Variants in CSGALNACT1 observed in about 807,000 individuals in gnomAD.
CSGALNACT1 encodes chondroitin sulfate N-acetylgalactosaminyltransferase 1.
A neutral mutation model predicts 51.0 loss-of-function variants in CSGALNACT1; 52 were observed. That is an observed-to-expected ratio of 1.02 (90% CI 0.82 to 1.29). The LOEUF (loss-of-function observed/expected upper bound fraction) is 1.29, where lower values mean the gene tolerates loss of function less well. Ranked by LOEUF, CSGALNACT1 falls within the 50% of genes most tolerant of loss-of-function variation. The probability of loss-of-function intolerance (pLI) is 0.00; values close to 1 mark genes in which losing one functional copy is unlikely to be tolerated. For synonymous variants in CSGALNACT1, 341 were observed against 254.4 expected, an observed-to-expected ratio of 1.34 and a Z score of -3.24; for missense variants, 935 against 679.2, an observed-to-expected ratio of 1.38 and a Z score of -4.19.
chr8:19,528,056 AAGG>A (rs2082043311), intron 3 of CSGALNACT1, among the ~76,000 whole-genome samples: 1 of 152,088 alleles, frequency 6.6e-6, no homozygotes, highest in African/African-American at 2.4e-5. Flanking sequence ...GCAGCTGGAG[AAGG>A]AACTTCTGGA....
intron 3 of CSGALNACT1, among the ~76,000 whole-genome samples, chr8:19,571,076 A>G (rs960973894): frequency 6.6e-6 from 1 of 152,018 alleles, no homozygotes; most frequent in African/African-American, 2.4e-5. Flanking sequence ...GGCTCAGGTG[A>G]TCTCCCACCT....
chr8:19,441,812 C>A (rs1447842040), intron 5 of CSGALNACT1, among the ~76,000 whole-genome samples: 3 of 151,982 alleles, frequency 2.0e-5, no homozygotes, highest in Non-Finnish European at 4.4e-5. Context: ...ATTTTTGCAA[C>A]CTACTCATCT....
intron 3 of CSGALNACT1, among the ~76,000 whole-genome samples, chr8:19,568,119 C>T (rs1166601957): frequency 6.6e-6 from 1 of 152,108 alleles, no homozygotes; most frequent in African/African-American, 2.4e-5. Flanking sequence ...ATTTGTTATA[C>T]AGTCACTTAA....
Position 19,405,784 on chromosome 8 carries a change from GT to G in CSGALNACT1, c.1594del (p.Thr532HisfsTer43). 1.2e-6 allele frequency: 2 copies of G among 1,614,124 alleles called. No homozygotes were observed. Among genetic ancestry groups the G allele is most frequent in the Non-Finnish European group, 1.7e-6 (2 of 1,180,034 alleles). On this transcript the variant is annotated frameshift_variant, in exon 10 of 10. Coordinates refer to ENST00000454498, the Ensembl canonical transcript of CSGALNACT1. LOFTEE classifies it high-confidence loss of function. ...CCACAATCCTTCTCTGGGAGTTCAT[GT>G]TTTTTTGCTACTTGTCTTCTGTTTC...
chr8:19,755,469 A>AAAAAAAAAAAAAAAAAAAAAAAAAC (rs1376362560), intron 1 of CSGALNACT1, among the ~76,000 whole-genome samples: 1 of 149,606 alleles, frequency 6.7e-6, no homozygotes, highest in Non-Finnish European at 1.5e-5. Context: ...AAAAAAAAAA[A>AAAAAAAAAAAAAAAAAAAAAAAAAC]AAAAAAAAAA....
At chr8:19,640,150 G>C (rs780524411) in intron 1 of CSGALNACT1, among the ~76,000 whole-genome samples, 2 of 152,116 alleles carry the variant, frequency 1.3e-5, no homozygotes, top group Non-Finnish European at 2.9e-5. Flanking sequence ...TTCCCTCAAT[G>C]ATACTGTAGT....
At chr8:19,632,680 C>G (rs577656956) in intron 1 of CSGALNACT1, among the ~76,000 whole-genome samples, 1 of 152,290 alleles carries the variant, frequency 6.6e-6, no homozygotes, top group African/African-American at 2.4e-5. Flanking sequence ...CACATCTCAG[C>G]AGTGCTAAGA....
intron 4 of CSGALNACT1, among the ~76,000 whole-genome samples, chr8:19,478,547 C>T (rs773510560): frequency 6.6e-6 from 1 of 151,708 alleles, no homozygotes; most frequent in Non-Finnish European, 1.5e-5. Context: ...TGCAAAGTAT[C>T]ACTTGAGGGA....
At chr8:19,536,207 T>A (rs1194113513) in intron 3 of CSGALNACT1, among the ~76,000 whole-genome samples, 2 of 152,150 alleles carry the variant, frequency 1.3e-5, no homozygotes, top group Admixed American at 1.3e-4. Context: ...TGTAGATTCA[T>A]CAATTTAACA....
At chr8:19,548,426 C>T (rs924580683) in intron 3 of CSGALNACT1, among the ~76,000 whole-genome samples, 1 of 152,046 alleles carries the variant, frequency 6.6e-6, no homozygotes, top group African/African-American at 2.4e-5. Flanking sequence ...TCAATATATT[C>T]CAAAAACTCA....
intron 4 of CSGALNACT1, among the ~76,000 whole-genome samples, chr8:19,489,404 A>G (rs1196722034): frequency 6.6e-6 from 1 of 152,082 alleles, no homozygotes; most frequent in East Asian, 1.9e-4. Context: ...ACAAAAATTT[A>G]CTCATCACTC....
intron 1 of CSGALNACT1, among the ~76,000 whole-genome samples, chr8:19,633,815 T>C (rs1262091141): frequency 1.3e-5 from 2 of 152,242 alleles, no homozygotes. Context: ...CCTTGGTTCT[T>C]GAGTCAAACA....
At chr8:19,529,191 T>C (rs916240327) in intron 3 of CSGALNACT1, among the ~76,000 whole-genome samples, 2 of 152,020 alleles carry the variant, frequency 1.3e-5, no homozygotes, top group African/African-American at 4.8e-5. Context: ...TGGTGAGTTG[T>C]TGAGTGCGAA....
At chr8:19,720,413 C>A (rs184199375) in intron 1 of CSGALNACT1, among the ~76,000 whole-genome samples, 99 of 152,250 alleles carry the variant, frequency 6.5e-4, no homozygotes, top group Middle Eastern at 6.8e-3. Context: ...CTGGGGTGCT[C>A]AAAAGAGTTC....
At chr8:19,554,152 C>G (rs931271707) in intron 3 of CSGALNACT1, among the ~76,000 whole-genome samples, 1 of 151,882 alleles carries the variant, frequency 6.6e-6, no homozygotes, top group African/African-American at 2.4e-5. Context: ...AATTTCAGAA[C>G]TCAAAAGAAA....
At chr8:19,729,802 G>A (rs1342927690) in intron 1 of CSGALNACT1, among the ~76,000 whole-genome samples, 1 of 152,006 alleles carries the variant, frequency 6.6e-6, no homozygotes, top group African/African-American at 2.4e-5. Context: ...CCTTGAGCCT[G>A]GAGGATTCCT....
intron 3 of CSGALNACT1, among the ~76,000 whole-genome samples, chr8:19,525,486 G>A (rs2081483672): frequency 6.6e-6 from 1 of 151,396 alleles, no homozygotes; most frequent in African/African-American, 2.4e-5. Context: ...GCCTGGTGGT[G>A]CATGTCTATA....
chr8:19,608,280 C>T (rs1165459672), intron 1 of CSGALNACT1, among the ~76,000 whole-genome samples: 9 of 152,204 alleles, frequency 5.9e-5, no homozygotes, highest in Non-Finnish European at 1.2e-4. Context: ...ACAAATTATA[C>T]ATTCCCACAC....
rs138382495 is a variant in CSGALNACT1 at position 19,457,422 on chromosome 8, G to A, written c.851+1004C>T. 3.6e-5 allele frequency: 13 copies of A among 358,294 alleles called. No individual in the cohort carries two copies. In the East Asian group the frequency reaches 5.1e-4, roughly 14 times the overall value. 22.2% of individuals were successfully genotyped at this position (358,294 alleles called of 1,614,324 possible). A position where few individuals can be genotyped will look rare whatever the true frequency, so the allele number is the denominator to read the frequency against. On this transcript the variant is annotated intron_variant, in intron 5 of 9. Transcript: ENST00000454498. ...GAGATCAGGAGTTCAAGACTAGCCC[G>A]GCCAAAATGGCGAAACCCGGTCTCT...
Sources: allele counts gnomAD v4.1 joint callset (sites outside exome capture counted in the v4.1 genomes callset), GRCh38; gene constraint gnomAD v4.1.1; transcripts MANE v1.5; gene names NCBI Gene and HGNC (gene_info 2026-07-23, HGNC 2026-07-21).